Variants in SEMA3A observed in about 807,000 individuals in gnomAD.
The protein encoded by SEMA3A is semaphorin-3A.
Under a neutral mutation model 97.9 loss-of-function variants are expected in SEMA3A, and 29 were observed. The ratio of observed to expected loss-of-function variants is 0.30; its 90% CI spans 0.22 to 0.40. SEMA3A has a LOEUF of 0.40. SEMA3A is among the 10% of genes least tolerant of loss of function. The probability of loss-of-function intolerance (pLI) is 1.00; values close to 1 mark genes in which losing one functional copy is unlikely to be tolerated. For synonymous variants in SEMA3A, 321 were observed against 323.7 expected (o/e 0.99, Z 0.09); for missense variants, 763 against 951.3 (o/e 0.80, Z 2.60).
chr7:84,210,750 A>C (rs1798606449), intron 3 of SEMA3A, among the ~76,000 whole-genome samples: 3 of 151,918 alleles, frequency 2.0e-5, no homozygotes, highest in African/African-American at 4.8e-5. Flanking sequence ...TTTTTTAGAA[A>C]AGGTATTTAT....
chr7:84,275,236 A>T (rs1800264391), intron 3 of SEMA3A, among the ~76,000 whole-genome samples: 1 of 152,086 alleles, frequency 6.6e-6, no homozygotes, highest in Admixed American at 6.6e-5. Flanking sequence ...CTTACCAGAC[A>T]TAGATAAGAG....
At chr7:84,406,786 A>G (rs1209294962) in intron 1 of SEMA3A, among the ~76,000 whole-genome samples, 1 of 152,326 alleles carries the variant, frequency 6.6e-6, no homozygotes, top group South Asian at 2.1e-4. Context: ...TATAAACAGA[A>G]CCAAAGACAA....
chr7:84,375,164 C>T (rs930419271), intron 1 of SEMA3A, among the ~76,000 whole-genome samples: 1 of 152,042 alleles, frequency 6.6e-6, no homozygotes, highest in African/African-American at 2.4e-5. Context: ...GGATTACAGG[C>T]ACCCGCCAAC....
chr7:84,063,067 G>C (rs1344493026), intron 4 of SEMA3A, among the ~76,000 whole-genome samples: 7 of 151,932 alleles, frequency 4.6e-5, no homozygotes, highest in Non-Finnish European at 1.0e-4. Context: ...CGCCGCTGGA[G>C]ATCTGAGAAC....
intron 2 of SEMA3A, among the ~76,000 whole-genome samples, chr7:84,319,149 G>T (rs1455311150): frequency 6.6e-6 from 1 of 152,066 alleles, no homozygotes; most frequent in Non-Finnish European, 1.5e-5. Flanking sequence ...GGGAGAGAAA[G>T]CTCAATGAAT....
intron 1 of SEMA3A, among the ~76,000 whole-genome samples, chr7:84,471,149 T>TC (rs1032793975): frequency 6.6e-6 from 1 of 152,122 alleles, no homozygotes; most frequent in East Asian, 1.9e-4. Flanking sequence ...CTAAGTCATT[T>TC]CCCCCCATCT....
chr7:84,466,912 A>G (rs1202911806), intron 1 of SEMA3A, among the ~76,000 whole-genome samples: 2 of 152,220 alleles, frequency 1.3e-5, no homozygotes, highest in Non-Finnish European at 2.9e-5. Context: ...CTTTTCAAAG[A>G]AAGTTCTTCA....
chr7:84,226,884 C>T (rs895901287), intron 3 of SEMA3A, among the ~76,000 whole-genome samples: 1 of 151,846 alleles, frequency 6.6e-6, no homozygotes, highest in African/African-American at 2.4e-5. Context: ...GTTATCATTG[C>T]CTATAATTAT....
chr7:84,005,583 C>A, intron 10 of SEMA3A, 25 bp from the exon 11 acceptor site: 1 of 1,450,306 alleles, frequency 6.9e-7, no homozygotes, highest in Non-Finnish European at 9.6e-7. Context: ...AGAAAATTAT[C>A]TTTTGATTAA....
chr7:84,058,110 CTG>C (rs1793067587), intron 5 of SEMA3A, among the ~76,000 whole-genome samples: 1 of 137,258 alleles, frequency 7.3e-6, no homozygotes, highest in Non-Finnish European at 1.7e-5. Flanking sequence ...AAAATATTTG[CTG>C]CCAAGATCCA....
At chr7:84,241,912 A>G (rs1799373262) in intron 3 of SEMA3A, among the ~76,000 whole-genome samples, 1 of 152,132 alleles carries the variant, frequency 6.6e-6, no homozygotes, top group Non-Finnish European at 1.5e-5. Flanking sequence ...TGTTTTTGTC[A>G]GGTTTGTCAA....
intron 4 of SEMA3A, among the ~76,000 whole-genome samples, chr7:84,109,830 A>T (rs891519053): frequency 6.6e-6 from 1 of 152,222 alleles, no homozygotes; most frequent in African/African-American, 2.4e-5. Flanking sequence ...CAAATTCACC[A>T]AACTGCTTTC....
chr7:84,150,518 C>A (rs1347145958), intron 1 of SEMA3A, among the ~76,000 whole-genome samples: 1 of 152,218 alleles, frequency 6.6e-6, no homozygotes, highest in Non-Finnish European at 1.5e-5. Context: ...CACCCGAATA[C>A]TGTGCTTTTC....
At chr7:84,259,643 GA>G (rs964405055) in intron 3 of SEMA3A, among the ~76,000 whole-genome samples, 5 of 151,870 alleles carry the variant, frequency 3.3e-5, no homozygotes, top group African/African-American at 9.6e-5. Context: ...ATGGTACTGG[GA>G]AAAAAATGGG....
intron 1 of SEMA3A, among the ~76,000 whole-genome samples, chr7:84,448,694 T>G (rs1341192027): frequency 6.6e-6 from 1 of 152,060 alleles, no homozygotes; most frequent in Non-Finnish European, 1.5e-5. Context: ...AATTTAATTT[T>G]CATGATTGGA....
In SEMA3A at chr7:84,369,261, C is replaced by T. The variant is rs1382714764; in HGVS notation, c.-169+2563G>A. On this transcript the variant is annotated intron_variant, in intron 2 of 3. Transcript: ENST00000424555. ...ATCCTGTGTTCTGTATGGACTTATCCCTAATACACCAAAGTGCATTATTAT... is the reference window on the plus strand; with the variant it reads ...ATCCTGTGTTCTGTATGGACTTATCTCTAATACACCAAAGTGCATTATTAT... 5.7e-4 allele frequency among the ~76,000 whole-genome samples: 86 copies of T among 150,760 alleles called. 3 individuals carry two copies. Among genetic ancestry groups the T allele is most frequent in the Admixed American group, 5.7e-3 (85 of 15,004 alleles).
intron 1 of SEMA3A, among the ~76,000 whole-genome samples, chr7:84,377,670 T>G (rs1415512192): frequency 6.6e-6 from 1 of 152,188 alleles, no homozygotes; most frequent in East Asian, 1.9e-4. Context: ...TTGTACAATA[T>G]TAAGTGGCAT....
intron 3 of SEMA3A, among the ~76,000 whole-genome samples, chr7:84,286,303 G>A (rs1800586797): frequency 6.6e-6 from 1 of 152,090 alleles, no homozygotes; most frequent in Non-Finnish European, 1.5e-5. Flanking sequence ...GAATTCAGTG[G>A]CAGACAGTGA....
chr7:84,104,057 C>G (rs965003328), intron 4 of SEMA3A, among the ~76,000 whole-genome samples: 3 of 151,898 alleles, frequency 2.0e-5, no homozygotes, highest in Non-Finnish European at 2.9e-5. Context: ...AAGCTTTGAT[C>G]CAAACTAGGT....
Sources: gnomAD v4.1 joint callset for allele counts (sites outside exome capture counted in the v4.1 genomes callset) on GRCh38, gnomAD v4.1.1 for gene constraint, MANE v1.5 for transcripts, NCBI Gene and HGNC (gene_info 2026-07-23, HGNC 2026-07-21) for gene names.